Variants in TICRR observed in about 807,000 individuals in gnomAD.
The protein encoded by TICRR is treslin.
TICRR carries 132 observed loss-of-function variants against 178.1 expected under a neutral mutation model. That is an observed-to-expected ratio of 0.74 (90% confidence interval 0.64 to 0.86). The LOEUF is 0.86. Among genes scored for constraint, TICRR ranks in the 40% least tolerant of loss-of-function variants. The pLI is 0.00. For synonymous variants in TICRR, 991 were observed against 900.7 expected, an observed-to-expected ratio of 1.10 and a Z score of -1.79; for missense variants, 2,587 against 2,334.3, an observed-to-expected ratio of 1.11 and a Z score of -2.23.
intron 15 of TICRR, among the ~76,000 whole-genome samples, chr15:89,614,010 C>T (rs1022428173): frequency 6.6e-5 from 10 of 151,852 alleles, no homozygotes; most frequent in East Asian, 3.9e-4. Flanking sequence ...AAAAATTAGC[C>T]GGGCGTGGTG....
intron 19 of TICRR, among the ~76,000 whole-genome samples, chr15:89,622,129 G>A (rs940955631): frequency 9.2e-5 from 14 of 151,888 alleles, no homozygotes; most frequent in African/African-American, 3.4e-4. Context: ...AGGATTACAG[G>A]CACCCACCAC....
intron 5 of TICRR, 99 bp from the exon 6 acceptor site, chr15:89,594,316 G>C: frequency 9.4e-7 from 1 of 1,059,850 alleles, no homozygotes. Flanking sequence ...ACATCTTTTT[G>C]GTTAGCTTTT....
intron 15 of TICRR, among the ~76,000 whole-genome samples, chr15:89,609,665 G>C (rs1963228441): frequency 6.6e-6 from 1 of 151,660 alleles, no homozygotes; most frequent in East Asian, 1.9e-4. Context: ...AGTAGAGACG[G>C]GGTTTCACCA....
At chr15:89,599,111 A>G (rs1164240887) in intron 7 of TICRR, among the ~76,000 whole-genome samples, 4 of 151,768 alleles carry the variant, frequency 2.6e-5, no homozygotes, top group East Asian at 3.9e-4. Flanking sequence ...GGGCTGTCCT[A>G]TGTATTGTAG....
chr15:89,597,013 T>C (rs1310901381), intron 7 of TICRR, among the ~76,000 whole-genome samples: 1 of 152,232 alleles, frequency 6.6e-6, no homozygotes, highest in Non-Finnish European at 1.5e-5. Flanking sequence ...GTCTGTAAGA[T>C]TGATTCTTTA....
intron 11 of TICRR, 71 bp from the exon 12 acceptor site, chr15:89,601,666 A>C: frequency 1.2e-6 from 2 of 1,610,720 alleles, no homozygotes; most frequent in Non-Finnish European, 8.5e-7. Flanking sequence ...ACTACTTTTT[A>C]GGCTGGGTGA....
intron 1 of TICRR, among the ~76,000 whole-genome samples, chr15:89,579,093 A>G (rs1036114354): frequency 2.6e-5 from 4 of 152,204 alleles, no homozygotes; most frequent in Non-Finnish European, 5.9e-5. Context: ...ATAGGACAGA[A>G]TGGAGGATAA....
intron 7 of TICRR, among the ~76,000 whole-genome samples, chr15:89,596,364 G>C (rs1468340761): frequency 6.6e-6 from 1 of 151,318 alleles, no homozygotes; most frequent in African/African-American, 2.4e-5. Context: ...GTTGTTTTTT[G>C]AGACTGAGTT....
intron 1 of TICRR, among the ~76,000 whole-genome samples, chr15:89,577,704 G>T (rs1337217074): frequency 6.8e-6 from 1 of 147,352 alleles, no homozygotes; most frequent in Admixed American, 7.0e-5. Context: ...CACCTCCTGG[G>T]TTCAAGCAAT....
rs199980761 is a variant in TICRR, at chr15:89,626,011, C to T, written c.5552C>T (p.Pro1851Leu). 3.8e-5 allele frequency: 61 copies of T among 1,613,312 alleles called. No individual in the cohort carries two copies. The highest frequency in any genetic ancestry group is 1.6e-4 in the East Asian group (7 of 44,872). Residue 1851 changes from proline (P) to leucine (L), a missense_variant, in exon 21 of 22, where the codon CCG (proline) becomes CTG (leucine). Transcript: ENST00000268138. ...ASALQALTQS[P>L]LLFQGKTPSS... is the part of the protein sequence containing the mutation. ...GCCCTCCAGGCTCTGACCCAGTCTC[C>T]GCTGCTGTTCCAGGGGAAAACACCT...
At chr15:89,623,592 C>A in intron 19 of TICRR, 31 bp from the exon 20 acceptor site, 1 of 1,569,612 alleles carries the variant, frequency 6.4e-7, no homozygotes, top group South Asian at 1.2e-5. Flanking sequence ...TTATAATATT[C>A]AAGGACTGAA....
chr15:89,627,877 GTC>G lies in TICRR; in HGVS notation c.*796_*797del, dbSNP rs71763708. 6,908 of 152,930 alleles carry G rather than the reference GTC, an allele frequency of 0.045. 178 individuals are homozygous for G. The highest frequency in any genetic ancestry group is 0.083 in the East Asian group (431 of 5,176). 9.5% of individuals were successfully genotyped at this position (152,930 alleles called of 1,614,324 possible). On this transcript the variant is annotated 3_prime_UTR_variant, in exon 22 of 22. Transcript: ENST00000268138. ...TAACGGTGAGGGCTGACTCTGAACT[GTC>G]TCTCAGTCTCCAGAAAGTGTTCAAG...
intron 21 of TICRR, among the ~76,000 whole-genome samples, chr15:89,626,455 T>G (rs910613737): frequency 6.6e-6 from 1 of 152,178 alleles, no homozygotes; most frequent in Non-Finnish European, 1.5e-5. Flanking sequence ...GACACAGTAC[T>G]GACTGTAGTT....
At chr15:89,589,423 T>C (rs1215693061) in intron 4 of TICRR, among the ~76,000 whole-genome samples, 1 of 152,112 alleles carries the variant, frequency 6.6e-6, no homozygotes, top group Non-Finnish European at 1.5e-5. Context: ...TCCAAAGCCC[T>C]GCCCAGGCGG....
At chr15:89,581,547 G>C (rs1298646676) in intron 1 of TICRR, among the ~76,000 whole-genome samples, 2 of 152,196 alleles carry the variant, frequency 1.3e-5, no homozygotes, top group Non-Finnish European at 2.9e-5. Context: ...GAAGAAAGAA[G>C]GGGAGGCCCA....
In TICRR at chr15:89,584,285, GC is replaced by G; in HGVS notation, c.935del (p.Ala312GlufsTer13). ...MEGMLFLPVE[A>X]GKEIQETWTV... ...CTGGTCTAATTAATCTTTATTTCTA[GC>G]AGGCAAAGAGATTCAAGAAACATGG... On this transcript the variant is annotated frameshift_variant and splice_region_variant, in exon 3 of 22. Coordinates refer to ENST00000268138, the MANE Select transcript of TICRR (RefSeq NM_152259.4). LOFTEE classifies it high-confidence loss of function. 6.3e-7 allele frequency: 1 copy of G among 1,582,020 alleles called. No individual in the cohort carries two copies. The highest frequency in any genetic ancestry group is 8.6e-7 in the Non-Finnish European group (1 of 1,165,484).
intron 1 of TICRR, among the ~76,000 whole-genome samples, chr15:89,576,842 TATATATATATATATATATAC>T (rs1395589199): frequency 7.1e-6 from 1 of 140,882 alleles, no homozygotes; most frequent in African/African-American, 2.7e-5. Context: ...TATATATATA[TATATATATATATATATATAC>T]ACACACACAC....
chr15:89,590,203 G>A (rs1439120272), intron 4 of TICRR, among the ~76,000 whole-genome samples: 1 of 152,068 alleles, frequency 6.6e-6, no homozygotes, highest in South Asian at 2.1e-4. Flanking sequence ...AAGAATACGG[G>A]TTGAAAGGAC....
intron 1 of TICRR, among the ~76,000 whole-genome samples, chr15:89,579,148 A>G (rs951886673): frequency 3.3e-5 from 5 of 152,222 alleles, no homozygotes; most frequent in African/African-American, 9.6e-5. Context: ...GATTTATTCA[A>G]TACATATTTG....
Sources: allele counts gnomAD v4.1 joint callset (sites outside exome capture counted in the v4.1 genomes callset), GRCh38; gene constraint gnomAD v4.1.1; transcripts MANE v1.5; gene names NCBI Gene and HGNC (gene_info 2026-07-23, HGNC 2026-07-21).